TLN2: variants seen among roughly 807,000 people sequenced by gnomAD.
TLN2 encodes the protein talin-2.
A neutral mutation model predicts 294.7 loss-of-function variants in TLN2; 118 were observed. The ratio of observed to expected loss-of-function variants is 0.40; its 90% confidence interval spans 0.34 to 0.47. The LOEUF (loss-of-function observed/expected upper bound fraction) is 0.47. Among genes scored for constraint, TLN2 ranks in the 20% least tolerant of loss-of-function variants. TLN2 has a pLI of 0.84. For synonymous variants in TLN2, 1,431 were observed against 1,304.5 expected (o/e 1.10, Z -2.09); for missense variants, 3,083 against 3,282.2 (o/e 0.94, Z 1.48).
At chr15:62,673,686 A>C (rs535234358) in intron 9 of TLN2, 141 bp from the exon 10 acceptor site, 6 of 593,612 alleles carry the variant, frequency 1.0e-5, no homozygotes, top group African/African-American at 7.4e-5. Context: ...GCATCGTAGG[A>C]TATAGCAGTC....
intron 1 of TLN2, among the ~76,000 whole-genome samples, chr15:62,586,243 G>A (rs1013526314): frequency 5.3e-5 from 8 of 152,196 alleles, no homozygotes. Context: ...TTGTGGGAAG[G>A]GGTGTGTTGT....
intron 37 of TLN2, among the ~76,000 whole-genome samples, chr15:62,757,409 A>G (rs758766771): frequency 2.6e-5 from 4 of 152,218 alleles, no homozygotes; most frequent in Non-Finnish European, 4.4e-5. Context: ...GTTGCTGTGT[A>G]ATGAGCTTAT....
At chr15:62,747,952 G>C (rs2061706096) in intron 32 of TLN2, among the ~76,000 whole-genome samples, 1 of 152,156 alleles carries the variant, frequency 6.6e-6, no homozygotes, top group African/African-American at 2.4e-5. Flanking sequence ...GTAGGCAGCG[G>C]AGGAGGAGGG....
chr15:62,423,754 T>C (rs2034548498), intron 1 of TLN2, among the ~76,000 whole-genome samples: 1 of 152,144 alleles, frequency 6.6e-6, no homozygotes, highest in African/African-American at 2.4e-5. Flanking sequence ...CTAATTTTTG[T>C]ATTTTTGTAG....
At chr15:62,562,037 C>T (rs2043008419) in intron 1 of TLN2, among the ~76,000 whole-genome samples, 1 of 152,134 alleles carries the variant, frequency 6.6e-6, no homozygotes, top group African/African-American at 2.4e-5. Flanking sequence ...AACTTATAAG[C>T]TCCTCGAAGT....
intron 1 of TLN2, among the ~76,000 whole-genome samples, chr15:62,549,120 A>T (rs1303127110): frequency 2.6e-5 from 4 of 152,048 alleles, no homozygotes; most frequent in African/African-American, 9.7e-5. Flanking sequence ...AGCTGCCTTT[A>T]ATTGAGACCC....
intron 1 of TLN2, among the ~76,000 whole-genome samples, chr15:62,557,652 C>T (rs1264057601): frequency 2.0e-5 from 3 of 151,844 alleles, no homozygotes; most frequent in Admixed American, 2.0e-4. Flanking sequence ...AGTGATTCTC[C>T]TCCCTCAGCC....
At chr15:62,541,879 G>T (rs2041712701) in intron 1 of TLN2, among the ~76,000 whole-genome samples, 1 of 151,794 alleles carries the variant, frequency 6.6e-6, no homozygotes, top group African/African-American at 2.4e-5. Context: ...ATCAGTGACT[G>T]TCAGCCTTTT....
rs144149797 is a variant in TLN2 at position 62,747,839 on chromosome 15, A to G, written c.4026-512A>G. ...TTAATGTATTATGTACTGTATTCCC[A>G]TGATAAGTTGAGCTACTAACAAAAT... On this transcript the variant is annotated intron_variant, in intron 32 of 58. Transcript: ENST00000636159. 4.2e-3 allele frequency among the ~76,000 whole-genome samples: 638 copies of G among 152,334 alleles called. 3 individuals are homozygous for G. Among genetic ancestry groups the G allele is most frequent in the Middle Eastern group, 0.014 (4 of 294 alleles).
chr15:62,598,356 G>T (rs1487931733), intron 2 of TLN2, among the ~76,000 whole-genome samples: 25 of 152,150 alleles, frequency 1.6e-4, no homozygotes, highest in Non-Finnish European at 3.7e-4. Context: ...ACAGATCTCT[G>T]TCTTTACCCC....
chr15:62,505,212 C>A (rs1473237158), intron 1 of TLN2, among the ~76,000 whole-genome samples: 39 of 152,114 alleles, frequency 2.6e-4, no homozygotes, highest in Admixed American at 2.6e-3. Context: ...CCACCTCGGC[C>A]TCCCAAAGTG....
chr15:62,589,690 C>G lies in TLN2; in HGVS notation c.-234C>G, dbSNP rs1019698431. ...ATGATTGTTATTATGATTTTAGGTGCTGCAGGAGGCTTCTCACATGCTTTG... is the reference window on the plus strand; with the variant it reads ...ATGATTGTTATTATGATTTTAGGTGGTGCAGGAGGCTTCTCACATGCTTTG... On this transcript the variant is annotated 5_prime_UTR_variant, in exon 2 of 59. Transcript: ENST00000636159. The G allele has an allele frequency of 6.6e-6, 1 of 152,162 alleles. No individual in the cohort carries two copies. The highest frequency in any genetic ancestry group is 2.4e-5 in the African/African-American group (1 of 41,432). The allele number at this position is 152,162 out of a possible 1,614,324, so 9.4% of individuals were successfully genotyped here. A position where few individuals can be genotyped will look rare whatever the true frequency, so the allele number is the denominator to read the frequency against.
chr15:62,567,260 A>G (rs144143392), intron 1 of TLN2, among the ~76,000 whole-genome samples: 3 of 152,340 alleles, frequency 2.0e-5, no homozygotes, highest in Non-Finnish European at 4.4e-5. Context: ...TAGCATCTTG[A>G]TTTGTGAAAG....
chr15:62,584,566 A>G (rs1027129468), intron 1 of TLN2, among the ~76,000 whole-genome samples: 1 of 152,200 alleles, frequency 6.6e-6, no homozygotes, highest in Non-Finnish European at 1.5e-5. Context: ...CAGGGAAGCC[A>G]TGAGCAGAGA....
intron 37 of TLN2, among the ~76,000 whole-genome samples, chr15:62,757,529 C>T (rs886831782): frequency 1.4e-4 from 22 of 152,262 alleles, no homozygotes; most frequent in African/African-American, 5.3e-4. Context: ...TTCTGGAGCC[C>T]TTTCTTGTCT....
chr15:62,708,923 A>T (rs2141121498), intron 21 of TLN2, 127 bp downstream of exon 21: 2 of 1,115,494 alleles, frequency 1.8e-6, no homozygotes, highest in East Asian at 2.6e-5. Context: ...AGTCTCAAAG[A>T]CTTCCCCACT....
intron 42 of TLN2, among the ~76,000 whole-genome samples, chr15:62,775,070 C>T (rs957086283): frequency 1.1e-4 from 17 of 151,048 alleles, no homozygotes; most frequent in Admixed American, 1.1e-3. Context: ...CATTCTCCTG[C>T]CTCAGCCTCC....
At chr15:62,520,885 A>C (rs2040424517) in intron 1 of TLN2, among the ~76,000 whole-genome samples, 1 of 152,106 alleles carries the variant, frequency 6.6e-6, no homozygotes, top group Admixed American at 6.6e-5. Context: ...GTACTTGTTA[A>C]ATTTTTGAAA....
chr15:62,523,079 A>G (rs1156839823), intron 1 of TLN2, among the ~76,000 whole-genome samples: 1 of 152,176 alleles, frequency 6.6e-6, no homozygotes, highest in Non-Finnish European at 1.5e-5. Flanking sequence ...TAGTTTAGAT[A>G]CAACTCTTGC....
Sources: allele counts gnomAD v4.1 joint callset (sites outside exome capture counted in the v4.1 genomes callset), GRCh38; gene constraint gnomAD v4.1.1; transcripts MANE v1.5; gene names NCBI Gene and HGNC (gene_info 2026-07-23, HGNC 2026-07-21).